The following SAPCD2 variants were observed in gnomAD, a reference collection of about 807,000 sequenced individuals.
SAPCD2 encodes the protein suppressor APC domain containing 2.
SAPCD2 carries 34 observed loss-of-function variants against 37.8 expected under a neutral mutation model. That is an observed-to-expected ratio of 0.90 (90% CI 0.68 to 1.20). SAPCD2 has a LOEUF of 1.20. Among genes scored for constraint, SAPCD2 ranks in the 50% most tolerant of loss-of-function variants. The probability of loss-of-function intolerance (pLI) is 0.00; values close to 1 mark genes in which losing one functional copy is unlikely to be tolerated. For synonymous variants in SAPCD2, 275 were observed against 270.3 expected (o/e 1.02, Z -0.17); for missense variants, 572 against 584.7 (o/e 0.98, Z 0.22).
In SAPCD2 at chr9:137,070,416, G is replaced by C. The variant is rs1054768839; in HGVS notation, c.45C>G (p.Pro15=). 18 of 1,301,008 alleles carry C rather than the reference G, an allele frequency of 1.4e-5. No homozygotes were observed. Among genetic ancestry groups the C allele is most frequent in the Non-Finnish European group, 1.4e-5 (14 of 1,024,560 alleles). 80.6% of individuals were successfully genotyped at this position (1,301,008 alleles called of 1,614,324 possible). A position where few individuals can be genotyped will look rare whatever the true frequency, so the allele number is the denominator to read the frequency against. The change falls in exon 1 of 6, where the codon CCC becomes CCG. Residue 15 remains proline (P), a synonymous_variant. Transcript: ENST00000409687. ...AMAERGRVPP[P]APAPSTEGLP... ...GCCCCTCCGTGCTGGGCGCGGGTGC[G>C]GGGGGAGGCACGCGGCCCCGCTCGG... is the stretch of plus-strand genomic sequence containing the variant.
At chr9:137,067,269 G>A (rs1306718599) in intron 1 of SAPCD2, among the ~76,000 whole-genome samples, 4 of 151,260 alleles carry the variant, frequency 2.6e-5, no homozygotes, top group African/African-American at 7.3e-5. Context: ...AATTACAGGC[G>A]TGAGCCACTG....
chr9:137,065,407 G>T, intron 3 of SAPCD2, 115 bp downstream of exon 3: 1 of 1,299,014 alleles, frequency 7.7e-7, no homozygotes, highest in Non-Finnish European at 1.0e-6. Context: ...AGCATCCTGG[G>T]TGGAATCGAC....
Position 137,064,189 on chromosome 9 carries a change from A to C in SAPCD2, c.*470T>G. On this transcript the variant is annotated 3_prime_UTR_variant, in exon 6 of 6. Transcript: ENST00000409687. ...ACTTCCGTCCGTCCGAGCTACAGCC[A>C]CCTCGTCCTGGTGCCCTGGTTGAGC... is the stretch of plus-strand genomic sequence containing the variant. The C allele has an allele frequency of 4.8e-6, 1 of 208,640 alleles. No homozygotes were observed. The highest frequency in any genetic ancestry group is 9.9e-6 in the Non-Finnish European group (1 of 100,598). 12.9% of individuals were successfully genotyped at this position (208,640 alleles called of 1,614,324 possible).
Position 137,064,910 on chromosome 9 carries a change from G to T in SAPCD2, c.1009C>A (p.Gln337Lys), listed in dbSNP as rs868451230. The T allele has an allele frequency of 6.4e-7, 1 of 1,559,946 alleles. No homozygotes were observed. Among genetic ancestry groups the T allele is most frequent in the Non-Finnish European group, 8.7e-7 (1 of 1,152,374 alleles). ...TCCTTCAGCATGAGGATGGTCTGCT[G>T]CTGCCAGACCGGGGGTGAGGTGGAC... ...LTSTSPPVWQ[Q>K]QTILMLKEQN... The change falls in exon 5 of 6, where the codon CAG becomes AAG. Residue 337 changes from glutamine (Q) to lysine (K), a missense_variant. By Grantham distance (53) the Gln-to-Lys change is moderately conservative (BLOSUM62 1). Coordinates refer to ENST00000409687, the MANE Select transcript of SAPCD2 (RefSeq NM_178448.4).
rs1832479296 is a variant in SAPCD2 at position 137,062,801 on chromosome 9, A to C, written c.*1858T>G. 1.3e-5 allele frequency: 2 copies of C among 152,212 alleles called. No homozygotes were observed. Among genetic ancestry groups the C allele is most frequent in the South Asian group, 4.1e-4 (2 of 4,830 alleles). 9.4% of individuals were successfully genotyped at this position (152,212 alleles called of 1,614,324 possible). ...GCCTGATTTCAAGCTGTAAACTGGG[A>C]GGACCTATTTCTTTTCACCTTGCAC... On this transcript the variant is annotated 3_prime_UTR_variant, in exon 6 of 6. Coordinates refer to ENST00000409687, the MANE Select transcript of SAPCD2 (RefSeq NM_178448.4).
chr9:137,062,372 T>G lies in SAPCD2; in HGVS notation c.*2287A>C, dbSNP rs983580001. On this transcript the variant is annotated 3_prime_UTR_variant, in exon 6 of 6. Transcript: ENST00000409687. ...GTTGCCCAGGCTGCTCTGGAACTCC[T>G]GGCCTCAAGTGCTGGGATTCCAGGC... 14 of 151,970 alleles carry G rather than the reference T, an allele frequency of 9.2e-5. No homozygotes were observed. The highest frequency in any genetic ancestry group is 5.2e-4 in the Admixed American group (8 of 15,264). The allele number at this position is 151,970 out of a possible 1,614,324, so 9.4% of individuals were successfully genotyped here.
Position 137,066,279 on chromosome 9 carries a change from C to T in SAPCD2, c.667G>A (p.Gly223Ser), listed in dbSNP as rs150716976. ...CTGCTCACCAGGCCGCAGTCCACGC[C>T]GCTGGCGATGGTGTGCCTCCGACGT... ...GERRRHTIAS[G>S]VDCGLLKQMK... Residue 223 changes from glycine (G) to serine (S), a missense_variant, in exon 2 of 6, where the codon GGC becomes AGC. Gly to Ser is a moderately conservative substitution (Grantham distance 56). Transcript: ENST00000409687. The T allele has an allele frequency of 7.2e-5, 116 of 1,606,264 alleles. No homozygotes were observed. The highest frequency in any genetic ancestry group is 4.9e-4 in the Admixed American group (29 of 59,522).
Position 137,064,468 on chromosome 9 carries a change from C to T in SAPCD2, c.*191G>A, listed in dbSNP as rs1328759169. 1.5e-6 allele frequency: 1 copy of T among 649,632 alleles called. No homozygotes were observed. Among genetic ancestry groups the T allele is most frequent in the East Asian group, 2.8e-5 (1 of 36,354 alleles). The allele number at this position is 649,632 out of a possible 1,614,324, so 40.2% of individuals were successfully genotyped here. A position where few individuals can be genotyped will look rare whatever the true frequency, so the allele number is the denominator to read the frequency against. ...CCAGGAGCCAAAACGGAGTCAAGCG[C>T]TCGGTGCGGGGACCAGCCGGGGGCA... is the stretch of plus-strand genomic sequence containing the variant. On this transcript the variant is annotated 3_prime_UTR_variant, in exon 6 of 6. Coordinates refer to ENST00000409687, the MANE Select transcript of SAPCD2 (RefSeq NM_178448.4).
chr9:137,066,134 G>C, intron 2 of SAPCD2, 128 bp downstream of exon 2: 1 of 764,290 alleles, frequency 1.3e-6, no homozygotes, highest in South Asian at 1.6e-5. Flanking sequence ...CAGGTAGGGA[G>C]AGAGATGTCC....
intron 1 of SAPCD2, 118 bp downstream of exon 1, chr9:137,069,771 AG>A (rs1832597351): frequency 2.8e-6 from 2 of 715,404 alleles, no homozygotes; most frequent in African/African-American, 3.7e-5. Context: ...GAGTCCACGA[AG>A]AGCCGCTCCC....
chr9:137,069,867 C>G, intron 1 of SAPCD2, 23 bp downstream of exon 1: 2 of 1,251,406 alleles, frequency 1.6e-6, no homozygotes, highest in Non-Finnish European at 2.0e-6. Flanking sequence ...TACGAGGGTG[C>G]CCGGGGGCCG....
Position 137,062,897 on chromosome 9 carries a change from G to C in SAPCD2, c.*1762C>G, listed in dbSNP as rs1173114353. 6.6e-6 allele frequency: 1 copy of C among 152,236 alleles called. No homozygotes were observed. Among genetic ancestry groups the C allele is most frequent in the Non-Finnish European group, 1.5e-5 (1 of 68,034 alleles). The allele number at this position is 152,236 out of a possible 1,614,324, so 9.4% of individuals were successfully genotyped here. A position where few individuals can be genotyped will look rare whatever the true frequency, so the allele number is the denominator to read the frequency against. On this transcript the variant is annotated 3_prime_UTR_variant, in exon 6 of 6. Transcript: ENST00000409687. ...TCTCACATTTCCGCTTCAGCTGCGG[G>C]GTCCAGCTCTATGTGGGCGGTCTCC...
chr9:137,062,610 G>A lies in SAPCD2; in HGVS notation c.*2049C>T, dbSNP rs1588561906. 6.6e-6 allele frequency: 1 copy of A among 152,318 alleles called. No individual in the cohort carries two copies. Among genetic ancestry groups the A allele is most frequent in the East Asian group, 1.9e-4 (1 of 5,188 alleles). 9.4% of individuals were successfully genotyped at this position (152,318 alleles called of 1,614,324 possible). The stretch of plus-strand genomic sequence containing the variant: ...TACCTGCACACGCTACTGGCACCTC[G>A]CGGATAGAGCCCAGGGACGCTGCTC... On this transcript the variant is annotated 3_prime_UTR_variant, in exon 6 of 6. Transcript: ENST00000409687.
At chr9:137,065,042 C>T in intron 4 of SAPCD2, 36 bp downstream of exon 4, 2 of 1,499,508 alleles carry the variant, frequency 1.3e-6, no homozygotes, top group Non-Finnish European at 1.8e-6. Flanking sequence ...CTGGCCTGGG[C>T]CCCAGCGTGG....
intron 1 of SAPCD2, among the ~76,000 whole-genome samples, chr9:137,067,427 C>T (rs372651851): frequency 4.0e-5 from 6 of 151,126 alleles, no homozygotes; most frequent in African/African-American, 9.8e-5. Flanking sequence ...GCCCAGATTG[C>T]GCCACTGCAC....
In SAPCD2 at chr9:137,066,457, A is replaced by G. The variant is rs939806332; in HGVS notation, c.572-83T>C. On this transcript the variant is annotated intron_variant, in intron 1 of 5. Transcript: ENST00000409687. Reference sequence around the variant, plus strand: ...TGAGGTGCAGCGGCCTCCACATCTCAGCCCACCCTCGAGGTCTCGGGCACC... The same window carrying G: ...TGAGGTGCAGCGGCCTCCACATCTCGGCCCACCCTCGAGGTCTCGGGCACC... 12 of 1,064,522 alleles carry G rather than the reference A, an allele frequency of 1.1e-5. No individual in the cohort carries two copies. The South Asian group carries it at 1.9e-4, about 17-fold the overall frequency. 65.9% of individuals were successfully genotyped at this position (1,064,522 alleles called of 1,614,324 possible). A position where few individuals can be genotyped will look rare whatever the true frequency, so the allele number is the denominator to read the frequency against.
Position 137,066,607 on chromosome 9 carries a change from C to T in SAPCD2, c.572-233G>A, listed in dbSNP as rs148515784. Among the ~76,000 whole-genome samples, 729 of 152,350 alleles carry T rather than the reference C, an allele frequency of 4.8e-3. 7 individuals are homozygous for T. Among genetic ancestry groups the T allele is most frequent in the African/African-American group, 0.017 (700 of 41,572 alleles). On this transcript the variant is annotated intron_variant, in intron 1 of 5. Coordinates refer to ENST00000409687, the MANE Select transcript of SAPCD2 (RefSeq NM_178448.4). ...AAGCCCGCATGTTTGCTCAAACACA[C>T]ACCCTGCCCCCTCATCGGTCCGTGA...
At chr9:137,067,872 C>T (rs1424747676) in intron 1 of SAPCD2, among the ~76,000 whole-genome samples, 1 of 151,554 alleles carries the variant, frequency 6.6e-6, no homozygotes, top group Non-Finnish European at 1.5e-5. Context: ...TGCTCACAGA[C>T]CCCTGCTCTG....
At position 137,064,801 on chromosome 9, in the gene SAPCD2, C is replaced by T; in HGVS notation, c.1057-14G>A. ...CTCGGTCACCTCCTGGGCAGGTGCACAGTTGGTCAAGGCCTGCGGGGCCTC... is the reference window on the plus strand; with the variant it reads ...CTCGGTCACCTCCTGGGCAGGTGCATAGTTGGTCAAGGCCTGCGGGGCCTC... On this transcript the variant is annotated splice_polypyrimidine_tract_variant and intron_variant, in intron 5 of 5. Coordinates refer to ENST00000409687, the MANE Select transcript of SAPCD2 (RefSeq NM_178448.4). 1 of 1,592,000 alleles carries T rather than the reference C, an allele frequency of 6.3e-7. No individual in the cohort carries two copies.
Sources: gnomAD v4.1 joint callset for allele counts (sites outside exome capture counted in the v4.1 genomes callset) on GRCh38, gnomAD v4.1.1 for gene constraint, MANE v1.5 for transcripts, NCBI Gene and HGNC (gene_info 2026-07-23, HGNC 2026-07-21) for gene names.